Variants in ALG6 observed in about 807,000 individuals in gnomAD.
ALG6 encodes ALG6 alpha-1,3-glucosyltransferase, also known as dolichyl pyrophosphate Man9GlcNAc2 alpha-1,3-glucosyltransferase.
Under a neutral mutation model 66.6 loss-of-function variants are expected in ALG6, and 46 were observed. The observed-to-expected ratio is 0.69, with a 90% CI of 0.55 to 0.88. The LOEUF is 0.88. Ranked by LOEUF, ALG6 falls within the 40% of genes least tolerant of loss-of-function variation. The probability of loss-of-function intolerance (pLI) is 0.00; values close to 1 mark genes in which losing one functional copy is unlikely to be tolerated. For missense variants in ALG6, 505 were observed against 586.8 expected, an observed-to-expected ratio of 0.86 and a Z score of 1.44; for synonymous variants, 185 against 203.7, an observed-to-expected ratio of 0.91 and a Z score of 0.78.
At chr1:63,424,059 T>C (rs1277298707) in intron 12 of ALG6, among the ~76,000 whole-genome samples, 3 of 152,250 alleles carry the variant, frequency 2.0e-5, no homozygotes, top group Non-Finnish European at 4.4e-5. Context: ...ATATCCCTAA[T>C]TACTAATGAT....
chr1:63,399,284 G>C (rs1644431403), intron 3 of ALG6, among the ~76,000 whole-genome samples: 1 of 152,206 alleles, frequency 6.6e-6, no homozygotes. Flanking sequence ...CTGCTAGCAA[G>C]ACAGAATATT....
At chr1:63,419,976 C>G (rs1381149564) in intron 12 of ALG6, among the ~76,000 whole-genome samples, 3 of 152,056 alleles carry the variant, frequency 2.0e-5, no homozygotes, top group African/African-American at 7.2e-5. Flanking sequence ...GTATGATATC[C>G]TAATATTAAA....
intron 1 of ALG6, among the ~76,000 whole-genome samples, chr1:63,369,488 G>GCC (rs1647837293): frequency 6.6e-6 from 1 of 151,968 alleles, no homozygotes; most frequent in Non-Finnish European, 1.5e-5. Flanking sequence ...AATTAGCCAG[G>GCC]CGTGGTGGTG....
Position 63,433,899 on chromosome 1 carries a change from T to C in ALG6, c.1327-2924T>C, listed in dbSNP as rs993923447. 5.3e-5 allele frequency among the ~76,000 whole-genome samples: 8 copies of C among 152,184 alleles called. No individual in the cohort carries two copies. Among genetic ancestry groups the C allele is most frequent in the African/African-American group, 1.9e-4 (8 of 41,448 alleles). The stretch of plus-strand genomic sequence containing the variant: ...AAGCAAGGGAGAAATCGATATGATA[T>C]GCAGGAGGGATGAATGCAATTTTAA... On this transcript the variant is annotated intron_variant, in intron 14 of 14. Transcript: ENST00000263440. This position sits in a 1 kb window ranked among gnomAD's most constrained non-coding sequence, Gnocchi z 4.2.
intron 6 of ALG6, among the ~76,000 whole-genome samples, 194 bp from the exon 7 acceptor site, chr1:63,406,868 G>T (rs1460505618): frequency 6.6e-6 from 1 of 152,006 alleles, no homozygotes; most frequent in Non-Finnish European, 1.5e-5. Context: ...TTATGGAAGT[G>T]TCCAATGTCA....
chr1:63,412,361 C>T (rs1001608989), intron 9 of ALG6, among the ~76,000 whole-genome samples: 1 of 152,168 alleles, frequency 6.6e-6, no homozygotes, highest in East Asian at 1.9e-4. Context: ...GGTGTGTGCA[C>T]CTTGCTAGTT....
chr1:63,413,435 C>T (rs3889243), intron 9 of ALG6, among the ~76,000 whole-genome samples: 26,650 of 152,024 alleles, frequency 0.18, 2,487 homozygotes, highest in Middle Eastern at 0.25. Flanking sequence ...TTCTTTGATC[C>T]AGCAGAGGAA....
chr1:63,407,405 A>G (rs188328593), intron 7 of ALG6, among the ~76,000 whole-genome samples: 116 of 152,206 alleles, frequency 7.6e-4, no homozygotes, highest in African/African-American at 2.7e-3. Flanking sequence ...AGTGCCAAGT[A>G]TGGTTATACT....
In ALG6 at chr1:63,429,089, C is replaced by A; in HGVS notation, c.1289C>A (p.Pro430Gln). The A allele has an allele frequency of 6.2e-7, 1 of 1,602,780 alleles. No individual in the cohort carries two copies. The highest frequency in any genetic ancestry group is 1.1e-5 in the South Asian group (1 of 89,178). Residue 430 changes from proline to glutamine, a missense_variant, in exon 14 of 15, where the codon CCA (proline) becomes CAA (glutamine). Transcript: ENST00000263440. The part of the protein sequence containing the change: ...SFSISVRKYL[P>Q]CFTFLSRIIQ... Reference sequence around the variant, plus strand: ...TCCATTTCTGTGAGGAAATATCTTCCATGTTTTACATTTCTTTCCAGAATT... The same window carrying A: ...TCCATTTCTGTGAGGAAATATCTTCAATGTTTTACATTTCTTTCCAGAATT...
chr1:63,389,413 A>G (rs1648601121), intron 2 of ALG6, among the ~76,000 whole-genome samples: 1 of 152,204 alleles, frequency 6.6e-6, no homozygotes, highest in South Asian at 2.1e-4. Flanking sequence ...TTTTAGCACC[A>G]GAATTTCTGC....
chr1:63,419,308 ATTAAC>A lies in ALG6; in HGVS notation c.988-59_988-55del. The A allele has an allele frequency of 3.2e-6, 4 of 1,257,162 alleles. No homozygotes were observed. In the South Asian group the frequency reaches 5.1e-5, roughly 16 times the overall value. 77.9% of individuals were successfully genotyped at this position (1,257,162 alleles called of 1,614,324 possible). On this transcript the variant is annotated intron_variant, in intron 11 of 14. Coordinates refer to ENST00000263440, the MANE Select transcript of ALG6 (RefSeq NM_013339.4). ...AAATGATTTTTATTTAGATTCTATAATTAACTTGATATGCTATTTCACAAGTTGTT... is the reference window on the plus strand; with the variant it reads ...AAATGATTTTTATTTAGATTCTATAATTGATATGCTATTTCACAAGTTGTT...
chr1:63,399,211 C>T lies in ALG6; in HGVS notation c.167+2614C>T, dbSNP rs563165343. Among the ~76,000 whole-genome samples, 3 of 152,310 alleles carry T rather than the reference C, an allele frequency of 2.0e-5. No individual in the cohort carries two copies. The East Asian group carries it at 5.8e-4, about 29-fold the overall frequency. On this transcript the variant is annotated intron_variant, in intron 3 of 14. Coordinates refer to ENST00000263440, the MANE Select transcript of ALG6 (RefSeq NM_013339.4). ...TGCTATGTGGCTTCTCCAACATGGCCATGCACTAAAATATGCCAGCTTGCT... is the reference window on the plus strand; with the variant it reads ...TGCTATGTGGCTTCTCCAACATGGCTATGCACTAAAATATGCCAGCTTGCT...
chr1:63,403,163 C>T (rs1644474058), intron 4 of ALG6, among the ~76,000 whole-genome samples: 1 of 144,504 alleles, frequency 6.9e-6, no homozygotes, highest in African/African-American at 2.6e-5. Context: ...TTTTGGAGGA[C>T]ATCTAGCAAG....
rs1299875024 is a variant in ALG6, at chr1:63,400,337, G to GTA, written c.168-1907_168-1906dup. On this transcript the variant is annotated intron_variant, in intron 3 of 14. Coordinates refer to ENST00000263440, the MANE Select transcript of ALG6 (RefSeq NM_013339.4). ...TATATATACGTATATATATATATAC[G>GTA]TATATATATATGTATATATATATGT... Among the ~76,000 whole-genome samples, 4 of 5,744 alleles carry GTA rather than the reference G, an allele frequency of 7.0e-4. 1 individual carries two copies. In the East Asian group the frequency reaches 0.048, roughly 69 times the overall value. The allele number at this position is 5,744 out of a possible 152,430, so 3.8% of individuals were successfully genotyped here.
chr1:63,385,977 G>A (rs1648491819), intron 2 of ALG6, among the ~76,000 whole-genome samples: 1 of 152,132 alleles, frequency 6.6e-6, no homozygotes, highest in Admixed American at 6.5e-5. Flanking sequence ...TTATTGTGTT[G>A]AGGTATGTTT....
chr1:63,389,717 G>A (rs540526583), intron 2 of ALG6, among the ~76,000 whole-genome samples: 2 of 152,196 alleles, frequency 1.3e-5, no homozygotes, highest in Admixed American at 1.3e-4. Flanking sequence ...TCCTTCTTGG[G>A]AAGGCTTTCC....
intron 2 of ALG6, among the ~76,000 whole-genome samples, chr1:63,375,034 AC>A (rs1487282121): frequency 6.6e-6 from 1 of 151,780 alleles, no homozygotes; most frequent in Non-Finnish European, 1.5e-5. Flanking sequence ...ACATGGTGAA[AC>A]CCCCTTTACA....
intron 2 of ALG6, among the ~76,000 whole-genome samples, chr1:63,371,935 C>T (rs1647939834): frequency 6.6e-6 from 1 of 152,074 alleles, no homozygotes; most frequent in South Asian, 2.1e-4. Flanking sequence ...TAAATGGTCA[C>T]AACAGAGGGT....
Position 63,404,474 on chromosome 1 carries a change from C to T in ALG6, c.279C>T (p.Asp93=), listed in dbSNP as rs2100415406. ...GCAGGGCAAAGTTTATAAATCCAGA[C>T]TGGATTGCTCTCCATACATCACGTG... ...CAYVAKFINP[D]WIALHTSRGY... Residue 93 remains aspartate, a synonymous_variant, in exon 5 of 15, where the codon GAC becomes GAT. Coordinates refer to ENST00000263440, the MANE Select transcript of ALG6 (RefSeq NM_013339.4). 6.2e-7 allele frequency: 1 copy of T among 1,613,656 alleles called. No homozygotes were observed. The highest frequency in any genetic ancestry group is 8.5e-7 in the Non-Finnish European group (1 of 1,179,684).
Sources: allele counts gnomAD v4.1 joint callset (sites outside exome capture counted in the v4.1 genomes callset), GRCh38; gene constraint gnomAD v4.1.1; non-coding constraint Gnocchi (gnomAD v3.1); transcripts MANE v1.5; gene names NCBI Gene and HGNC (gene_info 2026-07-23, HGNC 2026-07-21).